The following PHF1 variants were observed in gnomAD, a reference collection of about 807,000 sequenced individuals.
PHF1 encodes PHD finger protein 1, also known as polycomb-like 1.
Under a neutral mutation model 69.4 loss-of-function variants are expected in PHF1, and 16 were observed. The observed-to-expected ratio is 0.23, with a 90% confidence interval of 0.16 to 0.35. PHF1 has a LOEUF of 0.35. Among genes scored for constraint, PHF1 ranks in the 10% least tolerant of loss-of-function variants. The pLI is 1.00. For missense variants in PHF1, 515 were observed against 732.8 expected (o/e 0.70, Z 3.43); for synonymous variants, 274 against 275.0 (o/e 1.00, Z 0.04).
Position 33,415,227 on chromosome 6 carries a change from T to C in PHF1, c.1240-8T>C. ...GATTATCTCTCAGTCCTTTGCCCCC[T>C]CTTCTAGGCCTCAGTGTCTCCACCA... On this transcript the variant is annotated splice_region_variant and splice_polypyrimidine_tract_variant and intron_variant, in intron 12 of 14. Transcript: ENST00000374516. The C allele has an allele frequency of 6.2e-7, 1 of 1,613,484 alleles. No individual in the cohort carries two copies. The highest frequency in any genetic ancestry group is 2.2e-5 in the East Asian group (1 of 44,858).
At chr6:33,413,632 C>T (rs1655660938) in intron 6 of PHF1, 75 bp downstream of exon 6, 1 of 1,605,450 alleles carries the variant, frequency 6.2e-7, no homozygotes, top group South Asian at 1.1e-5. Context: ...GGAAAAAGAA[C>T]AGGATGAGGG....
Position 33,416,167 on chromosome 6 carries a change from C to A in PHF1, c.*69C>A. ...TTTCATACCCTGACCTCTGACCTCA[C>A]CTACAGCTGGGATGTACCTGGAGAG... is the stretch of plus-strand genomic sequence containing the variant. On this transcript the variant is annotated 3_prime_UTR_variant, in exon 15 of 15. Coordinates refer to ENST00000374516, the MANE Select transcript of PHF1 (RefSeq NM_024165.3). 1 of 1,342,258 alleles carries A rather than the reference C, an allele frequency of 7.5e-7. No individual in the cohort carries two copies. The highest frequency in any genetic ancestry group is 1.0e-6 in the Non-Finnish European group (1 of 996,078). 83.1% of individuals were successfully genotyped at this position (1,342,258 alleles called of 1,614,324 possible).
Position 33,412,494 on chromosome 6 carries a change from C to T in PHF1, c.160-14C>T. 1 of 1,614,210 alleles carries T rather than the reference C, an allele frequency of 6.2e-7. No homozygotes were observed. Among genetic ancestry groups the T allele is most frequent in the Non-Finnish European group, 8.5e-7 (1 of 1,180,006 alleles). Reference sequence around the variant, plus strand: ...TCTGGTTCCCATTTCATCCTGTTTGCTCACCCATTCCAGGTGGACAGTGCT... The same window carrying T: ...TCTGGTTCCCATTTCATCCTGTTTGTTCACCCATTCCAGGTGGACAGTGCT... On this transcript the variant is annotated splice_polypyrimidine_tract_variant and intron_variant, in intron 2 of 14. Transcript: ENST00000374516. The surrounding 1 kb of genome is among the most constrained non-coding windows in gnomAD (Gnocchi z 4.2).
At chr6:33,413,947 C>A in intron 7 of PHF1, 94 bp from the exon 8 acceptor site, 1 of 1,555,066 alleles carries the variant, frequency 6.4e-7, no homozygotes, top group Non-Finnish European at 8.9e-7. Context: ...GCAGCGTTAC[C>A]TCACCTGTTT....
At position 33,415,873 on chromosome 6, in the gene PHF1, G is replaced by A; in HGVS notation, c.1479G>A (p.Met493Ile). 6.2e-7 allele frequency: 1 copy of A among 1,611,086 alleles called. No homozygotes were observed. Among genetic ancestry groups the A allele is most frequent in the South Asian group, 1.1e-5 (1 of 90,950 alleles). ...TCCCTAAAAGTGCCCCCCACTCGAT[G>A]ACTGCCTCATCTTCCTCAGTTTCAT... ...TDIPKSAPHS[M>I]TASSSSVSSP... Residue 493 changes from methionine to isoleucine, a missense_variant, in exon 15 of 15, where the codon ATG (methionine) becomes ATA (isoleucine). Coordinates refer to ENST00000374516, the MANE Select transcript of PHF1 (RefSeq NM_024165.3).
chr6:33,413,876 C>G (rs373787649), intron 7 of PHF1, 45 bp downstream of exon 7: 91 of 1,571,830 alleles, frequency 5.8e-5, no homozygotes, highest in Non-Finnish European at 7.5e-5. Context: ...TGCCCTCTTT[C>G]TTCGTGTTCC....
At position 33,414,008 on chromosome 6, in the gene PHF1, T is replaced by A. The variant is rs1210641726; in HGVS notation, c.684-33T>A. On this transcript the variant is annotated intron_variant, in intron 7 of 14. Transcript: ENST00000374516. The surrounding 1 kb of genome is among the most constrained non-coding windows in gnomAD (Gnocchi z 5.0). ...CAGGGGATGGCACAGTTTTCCTGTGTAAGTGTGTTTGCTCCCTCTTGCCCA... is the reference window on the plus strand; with the variant it reads ...CAGGGGATGGCACAGTTTTCCTGTGAAAGTGTGTTTGCTCCCTCTTGCCCA... 1 of 1,612,988 alleles carries A rather than the reference T, an allele frequency of 6.2e-7. No homozygotes were observed. Among genetic ancestry groups the A allele is most frequent in the African/African-American group, 1.3e-5 (1 of 74,896 alleles).
At chr6:33,415,465 T>C (rs1776396317) in intron 13 of PHF1, 125 bp from the exon 14 acceptor site, 6 of 1,232,014 alleles carry the variant, frequency 4.9e-6, no homozygotes, top group Non-Finnish European at 7.1e-6. Context: ...CTAGAACTAG[T>C]GTCTGGTAGC....
intron 13 of PHF1, 36 bp downstream of exon 13, chr6:33,415,365 C>A (rs773162434): frequency 7.4e-6 from 11 of 1,492,072 alleles, no homozygotes; most frequent in Middle Eastern, 2.3e-4. Flanking sequence ...ACAAAATATG[C>A]TCCCAATTAT....
rs1302954134 is a variant in PHF1 at position 33,411,157 on chromosome 6, C to G, written c.-75C>G. ...GGACGTGCCCTCTCCGCGCGGGGGA[C>G]TCGCCTAGGTCTCCTACGTCTGCCC... On this transcript the variant is annotated 5_prime_UTR_variant, in exon 1 of 15. Transcript: ENST00000374516. 5 of 152,066 alleles carry G rather than the reference C, an allele frequency of 3.3e-5. No homozygotes were observed. Among genetic ancestry groups the G allele is most frequent in the Non-Finnish European group, 7.3e-5 (5 of 68,036 alleles). 9.4% of individuals were successfully genotyped at this position (152,066 alleles called of 1,614,324 possible). A position where few individuals can be genotyped will look rare whatever the true frequency, so the allele number is the denominator to read the frequency against.
At chr6:33,410,570 G>GGGAGGGCGGGGCTGGGGCTAACCGCGAGT (rs1554300922), upstream of PHF1, 1 of 139,846 alleles carries the variant, frequency 7.2e-6, no homozygotes, top group Non-Finnish European at 1.6e-5. Flanking sequence ...ACTCGTCACG[G>GGGAGGGCGGGGCTGGGGCTAACCGCGAGT]GGAGGGCGGG....
intron 13 of PHF1, 70 bp from the exon 14 acceptor site, chr6:33,415,520 C>T: frequency 6.6e-7 from 1 of 1,507,014 alleles, no homozygotes; most frequent in Non-Finnish European, 9.2e-7. Flanking sequence ...TGTTTGAGCT[C>T]TGCACTTCCC....
In PHF1 at chr6:33,414,447, C is replaced by T; in HGVS notation, c.877-30C>T. 6.2e-7 allele frequency: 1 copy of T among 1,613,642 alleles called. No individual in the cohort carries two copies. The highest frequency in any genetic ancestry group is 1.1e-5 in the South Asian group (1 of 91,074). On this transcript the variant is annotated intron_variant, in intron 9 of 14. Transcript: ENST00000374516. The surrounding 1 kb of genome is among the most constrained non-coding windows in gnomAD (Gnocchi z 5.0). ...GGGGAAGAGAAGAAATCACTGCTCC[C>T]CTGGCCCCATTTTTCTTCATTTCTC...
Position 33,415,951 on chromosome 6 carries a change from T to C in PHF1, c.1557T>C (p.Arg519=), listed in dbSNP as rs1776443629. 4.3e-6 allele frequency: 7 copies of C among 1,614,032 alleles called. No homozygotes were observed. Among genetic ancestry groups the C allele is most frequent in the African/African-American group, 1.3e-5 (1 of 75,018 alleles). ...CAGCACCCCCTTCTCCCCTGTGCCG[T>C]AGTTTGTCTCCTGGGACTGGGGGAG... ...RRSAPPSPLC[R]SLSPGTGGGV... is the part of the protein sequence containing the mutation. Residue 519 remains arginine, a synonymous_variant, in exon 15 of 15, where the codon CGT becomes CGC. Transcript: ENST00000374516.
In PHF1 at chr6:33,415,990, G is replaced by T; in HGVS notation, c.1596G>T (p.Gly532=). 6.2e-7 allele frequency: 1 copy of T among 1,614,054 alleles called. No individual in the cohort carries two copies. Among genetic ancestry groups the T allele is most frequent in the Non-Finnish European group, 8.5e-7 (1 of 1,179,926 alleles). ...GGACTGGGGGAGGAGTCCGAGGTGG[G>T]GTTGGTTACCTGTCCCGAGGGGACC... The part of the protein sequence containing the change: ...SPGTGGGVRG[G]VGYLSRGDPV... Residue 532 remains glycine (G), a synonymous_variant, in exon 15 of 15, where the codon GGG becomes GGT. Transcript: ENST00000374516.
chr6:33,413,082 C>T (rs1366404368), intron 4 of PHF1, 114 bp from the exon 5 acceptor site: 19 of 951,290 alleles, frequency 2.0e-5, no homozygotes, highest in South Asian at 1.4e-4. Flanking sequence ...AAGGATAATG[C>T]ACCCCCTCAT....
At chr6:33,415,432 C>T in intron 13 of PHF1, 103 bp downstream of exon 13, 1 of 1,228,468 alleles carries the variant, frequency 8.1e-7, no homozygotes. Context: ...CTTGGCTACC[C>T]ACTTCTTGGC....
Position 33,415,637 on chromosome 6 carries a change from C to A in PHF1, c.1382C>A (p.Ala461Glu). 6.2e-7 allele frequency: 1 copy of A among 1,614,098 alleles called. No homozygotes were observed. Among genetic ancestry groups the A allele is most frequent in the Non-Finnish European group, 8.5e-7 (1 of 1,179,984 alleles). Residue 461 changes from alanine (A) to glutamate (E), a missense_variant, in exon 14 of 15, where the codon GCA (alanine) becomes GAA (glutamate). By Grantham distance (107) the Ala-to-Glu change is moderately radical. Around this residue, in one of 5 missense-constraint regions of PHF1, gnomAD observed 274 missense variants for 304.5 expected, o/e 0.90. Transcript: ENST00000374516. ...FASFHPSAST[A>E]GTSGDSGPPD... The stretch of plus-strand genomic sequence containing the variant: ...TCCTTCCACCCTTCTGCCAGCACCG[C>A]AGGGACCTCTGGGGACAGTGGACCC...
upstream of PHF1, chr6:33,410,517 A>G (rs1775929354): frequency 2.2e-5 from 1 of 44,454 alleles, no homozygotes; most frequent in African/African-American, 9.7e-5. Flanking sequence ...TGCCGCGCGC[A>G]GGAGGGGACA....
Sources: allele counts gnomAD v4.1 joint callset, GRCh38; gene constraint gnomAD v4.1.1; regional missense constraint gnomAD v4.1.1; non-coding constraint Gnocchi (gnomAD v3.1); transcripts MANE v1.5; gene names NCBI Gene and HGNC (gene_info 2026-07-23, HGNC 2026-07-21).